The following GNAQ variants were observed in gnomAD, a reference collection of about 807,000 sequenced individuals.
GNAQ encodes the protein G protein subunit alpha q, also known as guanine nucleotide-binding protein G(q) subunit alpha.
Under a neutral mutation model 43.9 loss-of-function variants are expected in GNAQ, and 8 were observed. The observed-to-expected ratio is 0.18, with a 90% CI of 0.11 to 0.33. GNAQ has a LOEUF of 0.33. Among genes scored for constraint, GNAQ ranks in the 10% least tolerant of loss-of-function variants. GNAQ has a pLI of 1.00. For synonymous variants in GNAQ, 155 were observed against 170.7 expected (o/e 0.91, Z 0.71); for missense variants, 158 against 450.8 (o/e 0.35, Z 5.88).
At chr9:77,877,654 C>T (rs1828145720) in intron 2 of GNAQ, among the ~76,000 whole-genome samples, 1 of 152,124 alleles carries the variant, frequency 6.6e-6, no homozygotes, top group South Asian at 2.1e-4. Context: ...AGTATATGAT[C>T]CCATTCTGTA....
At chr9:77,930,387 A>G (rs905691172) in intron 1 of GNAQ, among the ~76,000 whole-genome samples, 8 of 152,218 alleles carry the variant, frequency 5.3e-5, no homozygotes, top group Non-Finnish European at 1.2e-4. Context: ...TTTTTAAAAC[A>G]ATGTAGTTTT....
chr9:77,804,168 AT>A (rs1261866491), intron 3 of GNAQ, among the ~76,000 whole-genome samples: 1 of 152,150 alleles, frequency 6.6e-6, no homozygotes, highest in African/African-American at 2.4e-5. Flanking sequence ...ATGCAAACTG[AT>A]TTTTAAAAGT....
At chr9:77,803,020 T>A (rs1315428462) in intron 3 of GNAQ, among the ~76,000 whole-genome samples, 1 of 151,952 alleles carries the variant, frequency 6.6e-6, no homozygotes, top group African/African-American at 2.4e-5. Flanking sequence ...GGCCCACAAG[T>A]GCCTTTGTCC....
chr9:77,987,725 T>C (rs986487542), intron 1 of GNAQ, among the ~76,000 whole-genome samples: 10 of 152,062 alleles, frequency 6.6e-5, no homozygotes, highest in African/African-American at 2.4e-4. Flanking sequence ...AAAATAAATG[T>C]ACAGTACATA....
intron 6 of GNAQ, among the ~76,000 whole-genome samples, chr9:77,725,581 A>T (rs868717673): frequency 0.027 from 1,009 of 36,926 alleles, 22 homozygotes; most frequent in Middle Eastern, 0.15. Context: ...GGTAACAGTA[A>T]AAAAAAAAAA....
At chr9:78,021,859 G>T (rs538145148) in intron 1 of GNAQ, among the ~76,000 whole-genome samples, 4 of 152,258 alleles carry the variant, frequency 2.6e-5, no homozygotes, top group Non-Finnish European at 5.9e-5. Flanking sequence ...GGATACGGAA[G>T]AAAAGACCCA....
chr9:78,022,517 C>T (rs1158324649), intron 1 of GNAQ, among the ~76,000 whole-genome samples: 2 of 152,126 alleles, frequency 1.3e-5, no homozygotes, highest in Non-Finnish European at 2.9e-5. Context: ...ATAAAAGGTG[C>T]TTATTTAGCC....
intron 1 of GNAQ, among the ~76,000 whole-genome samples, chr9:77,991,597 G>T (rs543270113): frequency 1.3e-5 from 2 of 152,052 alleles, no homozygotes; most frequent in South Asian, 4.2e-4. Flanking sequence ...TAGTTTTGGG[G>T]GTACAGATGG....
intron 2 of GNAQ, among the ~76,000 whole-genome samples, chr9:77,918,344 T>C (rs1265878580): frequency 1.3e-5 from 2 of 152,180 alleles, no homozygotes; most frequent in African/African-American, 2.4e-5. Flanking sequence ...AATGGTTATG[T>C]TTTTAAGCCA....
At chr9:77,860,316 C>T (rs557185790) in intron 2 of GNAQ, among the ~76,000 whole-genome samples, 2 of 152,070 alleles carry the variant, frequency 1.3e-5, no homozygotes, top group South Asian at 2.1e-4. Flanking sequence ...AGTTTCCCTG[C>T]TAGACAATGC....
At chr9:77,932,525 C>T (rs1829167350) in intron 1 of GNAQ, among the ~76,000 whole-genome samples, 2 of 152,060 alleles carry the variant, frequency 1.3e-5, no homozygotes, top group South Asian at 4.2e-4. Flanking sequence ...CAAGAACCCG[C>T]AACAAGAAAA....
chr9:77,721,162 AATC>A lies in GNAQ; in HGVS notation c.*158_*160del, dbSNP rs1013775192. 4 of 534,600 alleles carry A rather than the reference AATC, an allele frequency of 7.5e-6. No individual in the cohort carries two copies. The African/African-American group carries it at 7.8e-5, about 10-fold the overall frequency. 33.1% of individuals were successfully genotyped at this position (534,600 alleles called of 1,614,324 possible). On this transcript the variant is annotated 3_prime_UTR_variant, in exon 7 of 7. Coordinates refer to ENST00000286548, the MANE Select transcript of GNAQ (RefSeq NM_002072.5). ...TTTTTCCTCTGAATAGTTTAAATAAAATCATAATATTTACTACAAACTCTGTGG... is the reference window on the plus strand; with the variant it reads ...TTTTTCCTCTGAATAGTTTAAATAAAATAATATTTACTACAAACTCTGTGG...
chr9:77,794,312 A>G, intron 5 of GNAQ, 151 bp downstream of exon 5: 2 of 476,226 alleles, frequency 4.2e-6, no homozygotes, highest in Non-Finnish European at 7.4e-6. Flanking sequence ...AGCTTACCAC[A>G]GGATTATTTT....
At chr9:77,914,828 CAAAAAA>C (rs71503232) in intron 2 of GNAQ, among the ~76,000 whole-genome samples, 2 of 98,152 alleles carry the variant, frequency 2.0e-5, no homozygotes, top group African/African-American at 7.0e-5. Flanking sequence ...TTTTGAACAC[CAAAAAA>C]AAAAAAAAAA....
At chr9:77,739,487 T>G (rs1825621127) in intron 5 of GNAQ, among the ~76,000 whole-genome samples, 1 of 152,238 alleles carries the variant, frequency 6.6e-6, no homozygotes, top group South Asian at 2.1e-4. Context: ...TTTTGAATTT[T>G]GAGTGTTTCA....
At chr9:77,964,672 AAAC>A (rs142667674) in intron 1 of GNAQ, among the ~76,000 whole-genome samples, 4 of 151,718 alleles carry the variant, frequency 2.6e-5, no homozygotes, top group African/African-American at 9.7e-5. Flanking sequence ...AATAAAACAA[AAAC>A]AACAAGAAAA....
At chr9:77,993,782 G>C (rs2118530393) in intron 1 of GNAQ, among the ~76,000 whole-genome samples, 1 of 151,372 alleles carries the variant, frequency 6.6e-6, no homozygotes, top group African/African-American at 2.4e-5. Flanking sequence ...TCTTCCAAAA[G>C]GAAAAATAAA....
intron 2 of GNAQ, among the ~76,000 whole-genome samples, chr9:77,830,445 C>T (rs1827281384): frequency 6.6e-6 from 1 of 152,170 alleles, no homozygotes; most frequent in South Asian, 2.1e-4. Context: ...CAGGACTTGT[C>T]TGATGTCCCT....
At chr9:77,817,278 T>C (rs974093292) in intron 2 of GNAQ, among the ~76,000 whole-genome samples, 1 of 152,212 alleles carries the variant, frequency 6.6e-6, no homozygotes, top group Non-Finnish European at 1.5e-5. Flanking sequence ...ATTTGTTGTC[T>C]TTCTCTCTAA....
Sources: allele counts gnomAD v4.1 joint callset (sites outside exome capture counted in the v4.1 genomes callset), GRCh38; gene constraint gnomAD v4.1.1; transcripts MANE v1.5; gene names NCBI Gene and HGNC (gene_info 2026-07-23, HGNC 2026-07-21).